Variants in HEG1 observed in about 807,000 individuals in gnomAD.
HEG1 encodes protein HEG homolog 1.
Under a neutral mutation model 125.6 loss-of-function variants are expected in HEG1, and 56 were observed. That is an observed-to-expected ratio of 0.45 (90% CI 0.36 to 0.56). The LOEUF is 0.56. Among genes scored for constraint, HEG1 ranks in the 20% least tolerant of loss-of-function variants. The pLI is 0.00. For missense variants in HEG1, 1,523 were observed against 1,670.0 expected (o/e 0.91, Z 1.53); for synonymous variants, 644 against 668.5 (o/e 0.96, Z 0.57).
rs1579409753 is a variant in HEG1, at chr3:125,001,845, C to T, written c.3517+7G>A. On this transcript the variant is annotated splice_region_variant and intron_variant, in intron 11 of 16. Coordinates refer to ENST00000311127, the MANE Select transcript of HEG1 (RefSeq NM_020733.2). ...GGTAGGATCCTCCCAGAGGGCTGCCCTCTTACCTCTAAAGATCCGCCTCTG... is the reference window on the plus strand; with the variant it reads ...GGTAGGATCCTCCCAGAGGGCTGCCTTCTTACCTCTAAAGATCCGCCTCTG... The T allele has an allele frequency of 4.3e-6, 7 of 1,611,358 alleles. No individual in the cohort carries two copies. The highest frequency in any genetic ancestry group is 5.9e-6 in the Non-Finnish European group (7 of 1,178,886).
chr3:125,048,564 G>T (rs946150391), intron 1 of HEG1, among the ~76,000 whole-genome samples: 1 of 152,262 alleles, frequency 6.6e-6, no homozygotes, highest in Admixed American at 6.5e-5. Context: ...ATTAACAACT[G>T]TCTGGTGTAA....
chr3:125,000,007 C>T (rs1936978282), intron 11 of HEG1, among the ~76,000 whole-genome samples: 1 of 152,288 alleles, frequency 6.6e-6, no homozygotes. Context: ...GCTGGAAACA[C>T]CCAGATGTCA....
intron 1 of HEG1, among the ~76,000 whole-genome samples, chr3:125,041,049 G>A (rs946411537): frequency 6.6e-6 from 1 of 152,328 alleles, no homozygotes; most frequent in East Asian, 1.9e-4. Context: ...CCAGAAAATA[G>A]GTGGCAGAGC....
At chr3:125,041,312 A>T (rs536431251) in intron 1 of HEG1, among the ~76,000 whole-genome samples, 2 of 152,206 alleles carry the variant, frequency 1.3e-5, no homozygotes, top group South Asian at 4.1e-4. Context: ...AAATAACCTG[A>T]CCTTCACAGG....
intron 1 of HEG1, among the ~76,000 whole-genome samples, chr3:125,049,079 A>G (rs1247439668): frequency 6.6e-6 from 1 of 152,162 alleles, no homozygotes; most frequent in East Asian, 1.9e-4. Context: ...CAGGCCTTCC[A>G]TGCCTATCAT....
chr3:125,024,943 C>T (rs1040573377), intron 3 of HEG1, among the ~76,000 whole-genome samples: 18 of 152,328 alleles, frequency 1.2e-4, no homozygotes, highest in Middle Eastern at 3.4e-3. Flanking sequence ...CTGGTGTAAG[C>T]GCCAGGCTTT....
At chr3:124,980,274 T>TA (rs1170893078) in intron 14 of HEG1, among the ~76,000 whole-genome samples, 4 of 152,184 alleles carry the variant, frequency 2.6e-5, no homozygotes, top group Non-Finnish European at 1.5e-5. Flanking sequence ...TTCCCTGCTT[T>TA]AAAAAACCCT....
chr3:125,049,552 G>A (rs964021762), intron 1 of HEG1, among the ~76,000 whole-genome samples: 6 of 152,226 alleles, frequency 3.9e-5, no homozygotes, highest in African/African-American at 1.2e-4. Flanking sequence ...AAGGGGACAT[G>A]CAGTCTTTAC....
intron 1 of HEG1, among the ~76,000 whole-genome samples, chr3:125,034,950 A>G (rs1053228548): frequency 5.9e-5 from 9 of 152,180 alleles, no homozygotes; most frequent in African/African-American, 2.2e-4. Context: ...AAACAGAGAA[A>G]GTAGAAGTGA....
At chr3:125,023,603 T>C (rs1358359742) in intron 3 of HEG1, among the ~76,000 whole-genome samples, 1 of 152,134 alleles carries the variant, frequency 6.6e-6, no homozygotes, top group Non-Finnish European at 1.5e-5. Context: ...AGAGAAAATG[T>C]TTGGTCAAAC....
chr3:124,976,646 C>A (rs895347586), intron 15 of HEG1, among the ~76,000 whole-genome samples: 2 of 152,112 alleles, frequency 1.3e-5, no homozygotes, highest in Non-Finnish European at 2.9e-5. Context: ...CAGTCTCATG[C>A]TGAAATTTAA....
rs148801633 is a variant in HEG1, at chr3:124,996,907, C to T, written c.3652+782G>A. ...CAGCAGCCTTTTATAAGTCAGGGTG[C>T]GTGGTGCTCTTGGACCTGAATTAAT... On this transcript the variant is annotated intron_variant, in intron 12 of 16. Transcript: ENST00000311127. Among the ~76,000 whole-genome samples the T allele has an allele frequency of 1.8e-4, 27 of 152,220 alleles. 1 individual carries two copies. The highest frequency in any genetic ancestry group is 1.2e-3 in the South Asian group (6 of 4,818).
At chr3:125,036,493 T>G (rs1245133941) in intron 1 of HEG1, among the ~76,000 whole-genome samples, 2 of 152,196 alleles carry the variant, frequency 1.3e-5, no homozygotes, top group Non-Finnish European at 2.9e-5. Flanking sequence ...CTATTTGATT[T>G]TCAAACTATG....
Position 125,019,362 on chromosome 3 carries a change from T to A in HEG1, c.1488A>T (p.Gly496=). The A allele has an allele frequency of 6.2e-7, 1 of 1,613,970 alleles. No homozygotes were observed. Among genetic ancestry groups the A allele is most frequent in the South Asian group, 1.1e-5 (1 of 91,078 alleles). Residue 496 remains glycine (G), a synonymous_variant, in exon 5 of 17, where the codon GGA becomes GGT. Transcript: ENST00000311127. ...TATCTCCCAATGCTGTGTGACTTCCTCCAGACTGTACAGTAGAGTCTGAGA... is the reference window on the plus strand; with the variant it reads ...TATCTCCCAATGCTGTGTGACTTCCACCAGACTGTACAGTAGAGTCTGAGA... ...TQFSDSTVQS[G]GSHTALGDRS...
Position 125,013,271 on chromosome 3 carries a change from G to A in HEG1, c.2308C>T (p.Leu770Phe). 6.2e-7 allele frequency: 1 copy of A among 1,614,052 alleles called. No individual in the cohort carries two copies. Among genetic ancestry groups the A allele is most frequent in the Non-Finnish European group, 8.5e-7 (1 of 1,179,908 alleles). Residue 770 changes from leucine to phenylalanine, a missense_variant, in exon 6 of 17, where the codon CTC becomes TTC. Coordinates refer to ENST00000311127, the MANE Select transcript of HEG1 (RefSeq NM_020733.2). The part of the protein sequence containing the change: ...TSTMTSFMTM[L>F]HSSQTADLKS... Reference sequence around the variant, plus strand: ...AGGTCTGCAGTTTGACTACTATGGAGCATTGTCATGAATGATGTCATTGTT... The same window carrying A: ...AGGTCTGCAGTTTGACTACTATGGAACATTGTCATGAATGATGTCATTGTT...
intron 1 of HEG1, among the ~76,000 whole-genome samples, chr3:125,050,345 T>C (rs983700628): frequency 2.6e-4 from 40 of 152,298 alleles, no homozygotes; most frequent in African/African-American, 9.1e-4. Context: ...GGTTTCACCA[T>C]GTTGGCCAGG....
chr3:125,044,067 C>T (rs918449209), intron 1 of HEG1, among the ~76,000 whole-genome samples: 1 of 152,206 alleles, frequency 6.6e-6, no homozygotes, highest in African/African-American at 2.4e-5. Flanking sequence ...ATAGAAACAT[C>T]ATTTGTCTGG....
chr3:125,019,436 T>C lies in HEG1; in HGVS notation c.1414A>G (p.Ser472Gly). ...NSTTSADVTG[S>G]SASYPEGVNA... is the part of the protein sequence containing the mutation. ...ACACCTTCAGGATATGAAGCAGAGC[T>C]TCCTGTCACATCTGCAGATGTTGTG... Residue 472 changes from serine to glycine, a missense_variant, in exon 5 of 17, where the codon AGC becomes GGC. By Grantham distance (56) the Ser-to-Gly change is moderately conservative (BLOSUM62 0). Transcript: ENST00000311127. 6.2e-7 allele frequency: 1 copy of C among 1,614,010 alleles called. No individual in the cohort carries two copies. The highest frequency in any genetic ancestry group is 8.5e-7 in the Non-Finnish European group (1 of 1,179,888).
Position 125,019,521 on chromosome 3 carries a change from A to G in HEG1, c.1329T>C (p.Ser443=). The G allele has an allele frequency of 6.2e-7, 1 of 1,613,938 alleles. No individual in the cohort carries two copies. Among genetic ancestry groups the G allele is most frequent in the Non-Finnish European group, 8.5e-7 (1 of 1,179,814 alleles). ...CACCTCTCATGGGTGCGACTGACCT[A>G]GACACAGTCTCAGTCTGAGACATGG... ...GSPMSQTETV[S]RSVAPMRGGE... The change falls in exon 5 of 17, where the codon TCT becomes TCC. Residue 443 remains serine (S), a synonymous_variant. Transcript: ENST00000311127.
Sources: gnomAD v4.1 joint callset for allele counts (sites outside exome capture counted in the v4.1 genomes callset) on GRCh38, gnomAD v4.1.1 for gene constraint, MANE v1.5 for transcripts, NCBI Gene and HGNC (gene_info 2026-07-23, HGNC 2026-07-21) for gene names.